Variants in FANK1 observed in about 807,000 individuals in gnomAD.
The protein encoded by FANK1 is fibronectin type 3 and ankyrin repeat domains protein 1.
FANK1 carries 44 observed loss-of-function variants against 45.3 expected under a neutral mutation model. The observed-to-expected ratio is 0.97, with a 90% CI of 0.76 to 1.25. FANK1 has a LOEUF of 1.25. Among genes scored for constraint, FANK1 ranks in the 50% most tolerant of loss-of-function variants. The pLI is 0.00. For missense variants in FANK1, 391 were observed against 424.4 expected (o/e 0.92, Z 0.69); for synonymous variants, 149 against 152.5 (o/e 0.98, Z 0.17).
intron 2 of FANK1, among the ~76,000 whole-genome samples, chr10:125,986,739 C>T (rs147468440): frequency 4.6e-4 from 70 of 152,322 alleles, no homozygotes; most frequent in African/African-American, 1.6e-3. Flanking sequence ...TGTCCTGGCA[C>T]CTCATTCCCT....
chr10:125,923,297 A>C (rs1314846715), intron 1 of FANK1, among the ~76,000 whole-genome samples: 1 of 42,704 alleles, frequency 2.3e-5, no homozygotes, highest in African/African-American at 1.4e-4. Flanking sequence ...CATCTCTGCA[A>C]AAAAAAAATA....
rs1021859852 is a variant in FANK1 at position 126,005,166 on chromosome 10, T to C, written c.705+117T>C. ...CTAACCTTAGAAATGCTGGAGAAAG[T>C]TTTCTGACTTAGCAAGAAAGCCCCT... On this transcript the variant is annotated intron_variant, in intron 7 of 10. Coordinates refer to ENST00000368693, the MANE Select transcript of FANK1 (RefSeq NM_145235.5). 9.5e-5 allele frequency: 116 copies of C among 1,215,422 alleles called. 1 individual carries two copies. Among genetic ancestry groups the C allele is most frequent in the Non-Finnish European group, 1.0e-5 (9 of 890,642 alleles). The allele number at this position is 1,215,422 out of a possible 1,614,324, so 75.3% of individuals were successfully genotyped here.
At chr10:125,974,836 G>A (rs753464027) in intron 1 of FANK1, 1 of 152,118 alleles carries the variant, frequency 6.6e-6, no homozygotes, top group Non-Finnish European at 1.5e-5. Context: ...GTGTCTTTGT[G>A]TGTATCTATT....
chr10:126,004,192 A>C (rs1953001972), intron 6 of FANK1: 1 of 149,410 alleles, frequency 6.7e-6, no homozygotes, highest in Admixed American at 6.7e-5. Context: ...AAAATATTTA[A>C]TTTTTAAATA....
At chr10:125,989,269 T>C in intron 3 of FANK1, 1 of 1,549,028 alleles carries the variant, frequency 6.5e-7, no homozygotes. Flanking sequence ...AAAGATGCTA[T>C]CTATGTCCAG....
intron 1 of FANK1, among the ~76,000 whole-genome samples, chr10:125,952,133 A>G (rs1949275059): frequency 6.6e-6 from 1 of 152,124 alleles, no homozygotes; most frequent in South Asian, 2.1e-4. Context: ...TATTTGTTGT[A>G]ATATTTGGTG....
At chr10:125,999,342 G>A (rs1952587805) in intron 6 of FANK1, among the ~76,000 whole-genome samples, 1 of 151,836 alleles carries the variant, frequency 6.6e-6, no homozygotes, top group Non-Finnish European at 1.5e-5. Flanking sequence ...TGGAACTATA[G>A]GCGCCCACCA....
intron 1 of FANK1, among the ~76,000 whole-genome samples, chr10:125,931,952 G>A (rs1270308992): frequency 6.6e-6 from 1 of 152,078 alleles, no homozygotes; most frequent in Non-Finnish European, 1.5e-5. Flanking sequence ...AGCACCATTT[G>A]TTGAAAAGGG....
chr10:125,920,916 GCTTA>G (rs1946900322), intron 1 of FANK1, among the ~76,000 whole-genome samples: 1 of 152,234 alleles, frequency 6.6e-6, no homozygotes, highest in East Asian at 1.9e-4. Context: ...AGAAATTCTG[GCTTA>G]CTTGTATTTT....
intron 1 of FANK1, among the ~76,000 whole-genome samples, chr10:125,975,450 T>C (rs960400843): frequency 1.1e-4 from 17 of 152,340 alleles, no homozygotes; most frequent in African/African-American, 3.8e-4. Context: ...TGAACAAATT[T>C]ATCCCACCAA....
chr10:125,902,048 G>A (rs1945081355), intron 1 of FANK1, among the ~76,000 whole-genome samples: 1 of 152,186 alleles, frequency 6.6e-6, no homozygotes, highest in South Asian at 2.1e-4. Context: ...GAACCTGGGA[G>A]GTGGAGGTTG....
chr10:126,004,143 G>GGACT (rs996690605), intron 6 of FANK1: 9 of 142,634 alleles, frequency 6.3e-5, no homozygotes, highest in African/African-American at 2.1e-4. Flanking sequence ...AACTGGGGAT[G>GGACT]GACTACATTT....
At chr10:125,978,540 T>G (rs570283684) in intron 1 of FANK1, among the ~76,000 whole-genome samples, 1 of 152,128 alleles carries the variant, frequency 6.6e-6, no homozygotes, top group South Asian at 2.1e-4. Context: ...GAGGCCCCAG[T>G]TGGAAGGTCC....
At chr10:125,989,234 T>C in intron 3 of FANK1, 1 of 1,522,172 alleles carries the variant, frequency 6.6e-7, no homozygotes. Context: ...AGGTTGTTTC[T>C]GAGATTGGTA....
intron 1 of FANK1, among the ~76,000 whole-genome samples, chr10:125,919,231 A>G (rs146818565): frequency 2.2e-3 from 91 of 42,178 alleles, no homozygotes; most frequent in African/African-American, 3.9e-3. Flanking sequence ...TTTGTGACAG[A>G]GTCTTGCTCT....
At chr10:125,989,196 T>A in intron 3 of FANK1, 1 of 1,273,778 alleles carries the variant, frequency 7.9e-7, no homozygotes, top group Non-Finnish European at 1.1e-6. Flanking sequence ...CATGGAGACC[T>A]CTGAGCCCTT....
chr10:125,977,450 G>A (rs1373058787), intron 1 of FANK1, among the ~76,000 whole-genome samples: 2 of 152,140 alleles, frequency 1.3e-5, no homozygotes, highest in Admixed American at 1.3e-4. Context: ...TGGTTGCGTG[G>A]CTCCCCTGTT....
chr10:125,970,391 G>A (rs994605755), intron 1 of FANK1, among the ~76,000 whole-genome samples: 24 of 152,092 alleles, frequency 1.6e-4, no homozygotes, highest in African/African-American at 3.4e-4. Context: ...GACGATGGGC[G>A]GCCAGGCAGA....
chr10:126,005,303 CTTTCTTTTTTT>C (rs1420700014), intron 7 of FANK1, among the ~76,000 whole-genome samples: 2 of 134,602 alleles, frequency 1.5e-5, no homozygotes, highest in East Asian at 4.3e-4. Flanking sequence ...CTTCTACTTT[CTTTCTTTTTTT>C]TTTTTTTTTT....
Sources: gnomAD v4.1 joint callset for allele counts (sites outside exome capture counted in the v4.1 genomes callset) on GRCh38, gnomAD v4.1.1 for gene constraint, MANE v1.5 for transcripts, NCBI Gene and HGNC (gene_info 2026-07-23, HGNC 2026-07-21) for gene names.